The following SSH1 variants were observed in gnomAD, a reference collection of about 807,000 sequenced individuals.
SSH1 encodes the protein protein phosphatase Slingshot homolog 1.
SSH1 carries 43 observed loss-of-function variants against 79.7 expected under a neutral mutation model. The ratio of observed to expected loss-of-function variants is 0.54; its 90% CI spans 0.42 to 0.70. SSH1 has a LOEUF of 0.70. Among genes scored for constraint, SSH1 ranks in the 30% least tolerant of loss-of-function variants. The pLI is 0.00. For synonymous variants in SSH1, 599 were observed against 538.3 expected (o/e 1.11, Z -1.56); for missense variants, 1,206 against 1,358.8 (o/e 0.89, Z 1.77).
chr12:108,809,140 ACTT>A (rs958591471), intron 7 of SSH1, among the ~76,000 whole-genome samples: 7 of 150,532 alleles, frequency 4.7e-5, no homozygotes, highest in African/African-American at 1.5e-4. Context: ...AGCCCATTTT[ACTT>A]CTTTTTACAA....
Position 108,792,697 on chromosome 12 carries a change from G to C in SSH1, c.1482C>G (p.Phe494Leu). Residue 494 changes from phenylalanine to leucine, a missense_variant, in exon 14 of 15, where the codon TTC (phenylalanine) becomes TTG (leucine). This residue lies in a region of SSH1 where 709 missense variants were observed against 730.6 expected (regional missense o/e 0.97). Transcript: ENST00000326495. Reference protein sequence around the residue: ...PDGTPESQLPFLDDAAQPGLG... With the variant: ...PDGTPESQLPLLDDAAQPGLG... ...AGCCGGGCTGGGCGGCATCATCCAA[G>C]AAGGGCAGCTGGCTTTCCGGGGTGC... 6.2e-7 allele frequency: 1 copy of C among 1,613,056 alleles called. No homozygotes were observed. The highest frequency in any genetic ancestry group is 8.5e-7 in the Non-Finnish European group (1 of 1,179,946).
At position 108,785,641 on chromosome 12, in the gene SSH1, G is replaced by C. The variant is rs577396524; in HGVS notation, c.*2347C>G. On this transcript the variant is annotated 3_prime_UTR_variant, in exon 15 of 15. Coordinates refer to ENST00000326495, the MANE Select transcript of SSH1 (RefSeq NM_018984.4). ...ATGGGTAAGTTTGCCAGAAGCCAAA[G>C]ACCAACTTGTACTCTCCAGATTCCA... The C allele has an allele frequency of 6.6e-6, 1 of 152,258 alleles. No homozygotes were observed. Among genetic ancestry groups the C allele is most frequent in the African/African-American group, 2.4e-5 (1 of 41,546 alleles). 9.4% of individuals were successfully genotyped at this position (152,258 alleles called of 1,614,324 possible).
rs1225349108 is a variant in SSH1 at position 108,778,904 on chromosome 12, TCA to T, written c.*9082_*9083del. 1.3e-5 allele frequency: 2 copies of T among 152,228 alleles called. No homozygotes were observed. Among genetic ancestry groups the T allele is most frequent in the African/African-American group, 4.8e-5 (2 of 41,428 alleles). 9.4% of individuals were successfully genotyped at this position (152,228 alleles called of 1,614,324 possible). A position where few individuals can be genotyped will look rare whatever the true frequency, so the allele number is the denominator to read the frequency against. The stretch of plus-strand genomic sequence containing the variant: ...TCACTGCAACCTCTGCCTCCCAGGC[TCA>T]GGAGATCCTTCACCTCAGCCACTCA... On this transcript the variant is annotated 3_prime_UTR_variant, in exon 15 of 15. Coordinates refer to ENST00000326495, the MANE Select transcript of SSH1 (RefSeq NM_018984.4).
chr12:108,829,597 C>T (rs1311627665), intron 2 of SSH1, among the ~76,000 whole-genome samples: 2 of 152,098 alleles, frequency 1.3e-5, no homozygotes, highest in Non-Finnish European at 2.9e-5. Flanking sequence ...GGGTGTCTGC[C>T]CTGCTGCATA....
intron 13 of SSH1, among the ~76,000 whole-genome samples, chr12:108,798,561 CCCTGACTT>C (rs1460803454): frequency 3.1e-5 from 3 of 95,264 alleles, no homozygotes; most frequent in African/African-American, 2.0e-4. Context: ...GATGGGCTTG[CCCTGACTT>C]GCCCTGCTCA....
intron 3 of SSH1, among the ~76,000 whole-genome samples, chr12:108,821,616 C>T (rs182573985): frequency 5.6e-4 from 86 of 152,236 alleles, no homozygotes; most frequent in African/African-American, 2.0e-3. Context: ...GCTTAGAAGT[C>T]GACCTGTTAC....
At chr12:108,842,933 C>A (rs1446965327) in intron 2 of SSH1, among the ~76,000 whole-genome samples, 1 of 152,198 alleles carries the variant, frequency 6.6e-6, no homozygotes, top group Non-Finnish European at 1.5e-5. Flanking sequence ...AAATAATGCA[C>A]ACAAGGCAAT....
At chr12:108,833,505 T>C (rs1184497785) in intron 2 of SSH1, among the ~76,000 whole-genome samples, 1 of 152,218 alleles carries the variant, frequency 6.6e-6, no homozygotes, top group Non-Finnish European at 1.5e-5. Flanking sequence ...TGCAGCCCCA[T>C]ACCACAGTCA....
Position 108,807,602 on chromosome 12 carries a change from G to A in SSH1, c.731+31C>T, listed in dbSNP as rs376015987. On this transcript the variant is annotated intron_variant, in intron 8 of 14. Coordinates refer to ENST00000326495, the MANE Select transcript of SSH1 (RefSeq NM_018984.4). The surrounding 1 kb of genome is among the most constrained non-coding windows in gnomAD (Gnocchi z 5.2). Reference sequence around the variant, plus strand: ...GGAGAGGCAGGTGCCTGTGGGCTTGGGTGCGCTCACACCAGAGGCACCTCA... The same window carrying A: ...GGAGAGGCAGGTGCCTGTGGGCTTGAGTGCGCTCACACCAGAGGCACCTCA... 2 of 1,608,408 alleles carry A rather than the reference G, an allele frequency of 1.2e-6. No individual in the cohort carries two copies. Among genetic ancestry groups the A allele is most frequent in the Non-Finnish European group, 1.7e-6 (2 of 1,176,488 alleles).
At chr12:108,813,505 G>A (rs1344370541) in intron 5 of SSH1, among the ~76,000 whole-genome samples, 1 of 151,682 alleles carries the variant, frequency 6.6e-6, no homozygotes, top group East Asian at 1.9e-4. Flanking sequence ...CTTGAGCCCA[G>A]GAGTTTGAGA....
At chr12:108,794,344 C>A (rs2036649458) in intron 13 of SSH1, among the ~76,000 whole-genome samples, 1 of 152,200 alleles carries the variant, frequency 6.6e-6, no homozygotes, top group Admixed American at 6.5e-5. Context: ...GACAGAACCG[C>A]AGGGCTTTTT....
chr12:108,826,208 A>C (rs958539346), intron 2 of SSH1: 18 of 442,136 alleles, frequency 4.1e-5, no homozygotes, highest in Admixed American at 1.3e-4. Flanking sequence ...TCCTTTGGAA[A>C]AAAAAAGGAA....
chr12:108,809,772 A>C lies in SSH1; in HGVS notation c.471-14T>G. ...ACGCTGAACCCACTGAGAATAAAAC[A>C]CAGAGAGAAAGGTATCTGTGGTGAG... On this transcript the variant is annotated splice_polypyrimidine_tract_variant and intron_variant, in intron 6 of 14. Coordinates refer to ENST00000326495, the MANE Select transcript of SSH1 (RefSeq NM_018984.4). 1 of 1,612,246 alleles carries C rather than the reference A, an allele frequency of 6.2e-7. No homozygotes were observed. The highest frequency in any genetic ancestry group is 8.5e-7 in the Non-Finnish European group (1 of 1,178,326).
intron 7 of SSH1, among the ~76,000 whole-genome samples, chr12:108,808,205 T>C (rs1208859262): frequency 1.3e-5 from 2 of 152,216 alleles, no homozygotes; most frequent in Non-Finnish European, 2.9e-5. Flanking sequence ...CCCAAAGTAC[T>C]GGGATTATAG....
intron 7 of SSH1, among the ~76,000 whole-genome samples, chr12:108,809,481 C>T (rs1288336807): frequency 6.6e-6 from 1 of 151,582 alleles, no homozygotes; most frequent in Non-Finnish European, 1.5e-5. Flanking sequence ...ACGAGAAACC[C>T]CAAACCCCCC....
At chr12:108,830,456 T>C (rs1445197508) in intron 2 of SSH1, among the ~76,000 whole-genome samples, 1 of 152,044 alleles carries the variant, frequency 6.6e-6, no homozygotes, top group Non-Finnish European at 1.5e-5. Context: ...AGTGAGACTG[T>C]CTCAAAAACA....
intron 14 of SSH1, among the ~76,000 whole-genome samples, chr12:108,791,616 G>A (rs764119273): frequency 2.6e-5 from 4 of 152,128 alleles, no homozygotes; most frequent in Admixed American, 2.0e-4. Context: ...AAGATTAACC[G>A]GGTGTGGTAG....
chr12:108,785,617 T>A lies in SSH1; in HGVS notation c.*2371A>T, dbSNP rs537388329. On this transcript the variant is annotated 3_prime_UTR_variant, in exon 15 of 15. Transcript: ENST00000326495. The stretch of plus-strand genomic sequence containing the variant: ...TGCTAGCTGTGCTTCCAAAAATGAA[T>A]GGGTAAGTTTGCCAGAAGCCAAAGA... 6.6e-6 allele frequency: 1 copy of A among 152,168 alleles called. No homozygotes were observed. Among genetic ancestry groups the A allele is most frequent in the Admixed American group, 6.5e-5 (1 of 15,268 alleles). The allele number at this position is 152,168 out of a possible 1,614,324, so 9.4% of individuals were successfully genotyped here.
At chr12:108,847,252 T>A (rs1327363066) in intron 2 of SSH1, among the ~76,000 whole-genome samples, 1 of 152,084 alleles carries the variant, frequency 6.6e-6, no homozygotes, top group Non-Finnish European at 1.5e-5. Context: ...CACAGTGTCA[T>A]CCCTGTTTTA....
Sources: gnomAD v4.1 joint callset for allele counts (sites outside exome capture counted in the v4.1 genomes callset) on GRCh38, gnomAD v4.1.1 for gene constraint, gnomAD v4.1.1 regional missense constraint, Gnocchi (gnomAD v3.1) non-coding constraint, MANE v1.5 for transcripts, NCBI Gene and HGNC (gene_info 2026-07-23, HGNC 2026-07-21) for gene names.